Variants in FRMD6 observed in about 807,000 individuals in gnomAD.
FRMD6 encodes FERM domain containing 6, also known as FERM domain-containing protein 6.
In FRMD6, 37 loss-of-function variants were observed where a neutral mutation model predicts 73.2. The observed-to-expected ratio is 0.51, with a 90% CI of 0.39 to 0.66. The LOEUF is 0.66. FRMD6 is among the 30% of genes least tolerant of loss of function. The pLI, the probability that FRMD6 is intolerant of heterozygous loss-of-function variation, is 0.00. For missense variants in FRMD6, 714 were observed against 780.5 expected, an observed-to-expected ratio of 0.91 and a Z score of 1.02; for synonymous variants, 273 against 282.2, an observed-to-expected ratio of 0.97 and a Z score of 0.33.
chr14:51,648,908 A>T (rs1892199314), upstream of FRMD6, among the ~76,000 whole-genome samples: 1 of 152,218 alleles, frequency 6.6e-6, no homozygotes, highest in Admixed American at 6.5e-5. Context: ...GATGTGTTTA[A>T]AATAATGTTT....
At chr14:51,727,521 C>T (rs1344020995) in intron 13 of FRMD6, among the ~76,000 whole-genome samples, 2 of 152,134 alleles carry the variant, frequency 1.3e-5, no homozygotes, top group African/African-American at 2.4e-5. Flanking sequence ...TAGGTCAGGG[C>T]CTGGCACATA....
intron 2 of FRMD6, among the ~76,000 whole-genome samples, chr14:51,631,641 G>A (rs888016248): frequency 6.6e-6 from 1 of 152,038 alleles, no homozygotes; most frequent in Non-Finnish European, 1.5e-5. Flanking sequence ...CTGGTAATTG[G>A]GGATTATTTG....
At chr14:51,431,825 A>C in the FRMD6 span, among the ~76,000 whole-genome samples, 1 of 152,304 alleles carries the variant, frequency 6.6e-6, no homozygotes, top group South Asian at 2.1e-4. Flanking sequence ...GTCATATGCA[A>C]GTAGAGCAGC....
chr14:51,565,405 C>T (rs745938514), intron 1 of FRMD6: 5 of 152,216 alleles, frequency 3.3e-5, no homozygotes, highest in African/African-American at 4.8e-5. Context: ...CTGGATTAGC[C>T]CACTGGATTC....
the FRMD6 span, among the ~76,000 whole-genome samples, chr14:51,477,731 CTTTTTCTTTTTTTT>C: frequency 4.4e-5 from 4 of 91,790 alleles, no homozygotes; most frequent in Non-Finnish European, 7.9e-5. Context: ...TCTTTCTTTT[CTTTTTCTTTTTTTT>C]TTTTTTTTTT....
chr14:51,584,023 T>C (rs1226088274), intron 2 of FRMD6: 7 of 152,216 alleles, frequency 4.6e-5, no homozygotes, highest in African/African-American at 1.7e-4. Context: ...TAGGCAGGTA[T>C]ACAAGCAAGG....
rs1326430947 is a variant in FRMD6, at chr14:51,562,164, A to T, written c.-209-8184A>T. Among the ~76,000 whole-genome samples, 4 of 152,182 alleles carry T rather than the reference A, an allele frequency of 2.6e-5. No homozygotes were observed. In the East Asian group the frequency reaches 7.7e-4, roughly 29 times the overall value. ...AAGTAAATTTCCATCTTTCACCCCC[A>T]CATTTCTATCCCGCCCATCCCTGCA... On this transcript the variant is annotated intron_variant, in intron 1 of 14. Coordinates refer to the FRMD6 transcript ENST00000356218.
chr14:51,592,574 A>C (rs1281836048), intron 2 of FRMD6, among the ~76,000 whole-genome samples: 1 of 152,234 alleles, frequency 6.6e-6, no homozygotes, highest in Non-Finnish European at 1.5e-5. Flanking sequence ...CGATGTAATA[A>C]ATTTCCTGTA....
chr14:51,624,993 G>C (rs1020651247), intron 2 of FRMD6, among the ~76,000 whole-genome samples: 50 of 152,214 alleles, frequency 3.3e-4, no homozygotes, highest in African/African-American at 1.0e-3. Flanking sequence ...TAATGATAAT[G>C]AAAGTTATAT....
At chr14:51,454,677 A>G in the FRMD6 span, 1 of 152,206 alleles carries the variant, frequency 6.6e-6, no homozygotes, top group Admixed American at 6.5e-5. Context: ...CCTCAGAAAG[A>G]TGTGCTTTTG....
At chr14:51,484,391 A>T (rs894064984), upstream of FRMD6, among the ~76,000 whole-genome samples, 1 of 152,120 alleles carries the variant, frequency 6.6e-6, no homozygotes, top group Non-Finnish European at 1.5e-5. Flanking sequence ...GACTACCACC[A>T]CCAGAATAGC....
intron 1 of FRMD6, among the ~76,000 whole-genome samples, chr14:51,539,966 C>T (rs1168905405): frequency 6.6e-6 from 1 of 152,214 alleles, no homozygotes; most frequent in African/African-American, 2.4e-5. Context: ...AAAATATTCT[C>T]TTGGAACACT....
At chr14:51,529,910 A>G (rs1304678493) in intron 1 of FRMD6, among the ~76,000 whole-genome samples, 2 of 152,184 alleles carry the variant, frequency 1.3e-5, no homozygotes, top group African/African-American at 2.4e-5. Flanking sequence ...ACAAGAATCT[A>G]AGAGAGAGTT....
At position 51,721,647 on chromosome 14, in the gene FRMD6, GA is replaced by G. The variant is rs1566597998; in HGVS notation, c.1361-300del. On this transcript the variant is annotated intron_variant, in intron 11 of 13. Transcript: ENST00000344768. ...AAAGAAAGAGAGGGAGGGAGGGAGG[GA>G]AGGAAGGAAGGAAGGAACAAGTAGT... Among the ~76,000 whole-genome samples the G allele has an allele frequency of 4.9e-4, 7 of 14,184 alleles. No individual in the cohort carries two copies. The East Asian group carries it at 6.6e-3, about 13-fold the overall frequency. The allele number at this position is 14,184 out of a possible 152,430, so 9.3% of individuals were successfully genotyped here. A position where few individuals can be genotyped will look rare whatever the true frequency, so the allele number is the denominator to read the frequency against.
At chr14:51,646,674 C>A (rs1021380997) in intron 2 of FRMD6, among the ~76,000 whole-genome samples, 1 of 151,152 alleles carries the variant, frequency 6.6e-6, no homozygotes, top group African/African-American at 2.4e-5. Context: ...AAGTTTCATA[C>A]TGTAGGGAAT....
intron 2 of FRMD6, among the ~76,000 whole-genome samples, chr14:51,692,473 TG>T (rs2140380550): frequency 6.4e-3 from 1 of 156 alleles, no homozygotes; most frequent in Non-Finnish European, 0.02. Flanking sequence ...CGTGGTGCAA[TG>T]TGTGTGTGTG....
At chr14:51,438,749 G>C in the FRMD6 span, among the ~76,000 whole-genome samples, 1 of 152,138 alleles carries the variant, frequency 6.6e-6, no homozygotes, top group African/African-American at 2.4e-5. Context: ...TAATCTCCAG[G>C]TGGCAGTTTT....
At chr14:51,676,193 A>C (rs1395828708) in intron 1 of FRMD6, among the ~76,000 whole-genome samples, 1 of 152,152 alleles carries the variant, frequency 6.6e-6, no homozygotes, top group Admixed American at 6.6e-5. Flanking sequence ...ACATTCTCTC[A>C]AAGTGCCAGT....
the FRMD6 span, among the ~76,000 whole-genome samples, chr14:51,481,352 A>G: frequency 1.3e-5 from 2 of 152,232 alleles, no homozygotes; most frequent in Non-Finnish European, 2.9e-5. Flanking sequence ...GGGGGCAGAC[A>G]AAAGAAGATG....
Sources: allele counts gnomAD v4.1 joint callset (sites outside exome capture counted in the v4.1 genomes callset), GRCh38; gene constraint gnomAD v4.1.1; transcripts MANE v1.5; gene names NCBI Gene and HGNC (gene_info 2026-07-23, HGNC 2026-07-21).